The following HIP1 variants were observed in gnomAD, a reference collection of about 807,000 sequenced individuals.
HIP1 encodes huntingtin interacting protein 1.
In HIP1, 65 loss-of-function variants were observed where a neutral mutation model predicts 147.6. The ratio of observed to expected loss-of-function variants is 0.44; its 90% CI spans 0.36 to 0.54. HIP1 has a LOEUF of 0.54. Ranked by LOEUF, HIP1 falls within the 20% of genes least tolerant of loss-of-function variation. HIP1 has a pLI of 0.00. For missense variants in HIP1, 1,061 were observed against 1,299.6 expected, an observed-to-expected ratio of 0.82 and a Z score of 2.82; for synonymous variants, 479 against 504.0, an observed-to-expected ratio of 0.95 and a Z score of 0.67.
Position 75,599,259 on chromosome 7 carries a change from GA to G in HIP1, c.121-13del, listed in dbSNP as rs782603373. 3 of 1,603,074 alleles carry G rather than the reference GA, an allele frequency of 1.9e-6. No individual in the cohort carries two copies. In the South Asian group the frequency reaches 3.3e-5, roughly 18 times the overall value. On this transcript the variant is annotated splice_polypyrimidine_tract_variant and intron_variant, in intron 1 of 30. Transcript: ENST00000336926. ...TTGATGCTGACAGTCTGAAAAACAA[GA>G]AGGGGGGAGGGAAAGGAGGATGAGA... is the stretch of plus-strand genomic sequence containing the variant.
rs1795063138 is a variant in HIP1 at position 75,557,570 on chromosome 7, C to G, written c.1581+84G>C. 5 of 967,290 alleles carry G rather than the reference C, an allele frequency of 5.2e-6. No homozygotes were observed. The South Asian group carries it at 6.5e-5, about 12-fold the overall frequency. The allele number at this position is 967,290 out of a possible 1,614,324, so 59.9% of individuals were successfully genotyped here. Reference sequence around the variant, plus strand: ...GATGCCAACCGACCCACAGAACTGCCCATGGAGCAGAAGGCCACAAAGCCC... The same window carrying G: ...GATGCCAACCGACCCACAGAACTGCGCATGGAGCAGAAGGCCACAAAGCCC... On this transcript the variant is annotated intron_variant, in intron 16 of 30. Coordinates refer to ENST00000336926, the MANE Select transcript of HIP1 (RefSeq NM_005338.7).
At chr7:75,612,279 G>A (rs1056249117) in intron 1 of HIP1, among the ~76,000 whole-genome samples, 3 of 152,208 alleles carry the variant, frequency 2.0e-5, no homozygotes, top group African/African-American at 7.2e-5. Flanking sequence ...GGAGGCGGAG[G>A]TGGGCGGATC....
At chr7:75,697,494 ATTC>A (rs1224559664) in intron 1 of HIP1, among the ~76,000 whole-genome samples, 5 of 152,198 alleles carry the variant, frequency 3.3e-5, no homozygotes, top group South Asian at 2.1e-4. Flanking sequence ...TCCTGGATGT[ATTC>A]TTCTTCAAAA....
intron 1 of HIP1, among the ~76,000 whole-genome samples, chr7:75,711,732 C>A (rs891222191): frequency 3.9e-5 from 6 of 152,218 alleles, no homozygotes; most frequent in Non-Finnish European, 1.5e-5. Context: ...CCAGACCTCT[C>A]TCTGAGGTAT....
At position 75,664,127 on chromosome 7, in the gene HIP1, CACAT is replaced by C. The variant is rs1435705454; in HGVS notation, c.121-64884_121-64881del. Among the ~76,000 whole-genome samples the C allele has an allele frequency of 5.2e-5, 3 of 57,596 alleles. 1 individual carries two copies. Among genetic ancestry groups the C allele is most frequent in the Non-Finnish European group, 1.0e-4 (3 of 29,012 alleles). The allele number at this position is 57,596 out of a possible 152,430, so 37.8% of individuals were successfully genotyped here. A position where few individuals can be genotyped will look rare whatever the true frequency, so the allele number is the denominator to read the frequency against. ...ACATACATGTATGCATATATGCACA[CACAT>C]GTGTGTACATACATACATGTATGTG... On this transcript the variant is annotated intron_variant, in intron 1 of 30. Transcript: ENST00000336926.
In HIP1 at chr7:75,541,939, G is replaced by A. The variant is rs371815924; in HGVS notation, c.2932C>T (p.Arg978Cys). The stretch of plus-strand genomic sequence containing the variant: ...CTCACCTGAGAATCCATCTCTTGGC[G>A]TTTGATCTGTGTCAGCGTCATGCTT... ...FSSMTLTQIK[R>C]QEMDSQVRVL... Residue 978 changes from arginine to cysteine, a missense_variant, in exon 29 of 31, where the codon CGC (arginine) becomes TGC (cysteine). Arg to Cys is a radical substitution (Grantham distance 180, BLOSUM62 -3). This residue lies in a region of HIP1 where 810 missense variants were observed against 946.8 expected (regional missense o/e 0.86). Transcript: ENST00000336926. 2.1e-5 allele frequency: 34 copies of A among 1,613,538 alleles called. No individual in the cohort carries two copies. The highest frequency in any genetic ancestry group is 2.7e-5 in the Non-Finnish European group (32 of 1,179,566).
In HIP1 at chr7:75,738,822, G is replaced by T; in HGVS notation, c.99C>A (p.Arg33=). The T allele has an allele frequency of 6.3e-7, 1 of 1,599,498 alleles. No homozygotes were observed. The highest frequency in any genetic ancestry group is 1.1e-5 in the South Asian group (1 of 88,808). ...GVGAGLEAAE[R]ESFERTQTVS... is the part of the protein sequence containing the mutation. ...TCACCTGAGTCCGCTCGAAGCTCTC[G>T]CGCTCCGCCGCCTCCAGCCCAGCGC... The change falls in exon 1 of 31, where the codon CGC becomes CGA. Residue 33 remains arginine, a synonymous_variant. Coordinates refer to ENST00000336926, the MANE Select transcript of HIP1 (RefSeq NM_005338.7).
At chr7:75,555,974 G>A in intron 18 of HIP1, 52 bp downstream of exon 18, 5 of 1,602,500 alleles carry the variant, frequency 3.1e-6, no homozygotes, top group Non-Finnish European at 4.3e-6. Context: ...ATGCGCAGAG[G>A]CCCTCGGTGG....
intron 1 of HIP1, among the ~76,000 whole-genome samples, chr7:75,708,245 T>C (rs1433549743): frequency 6.6e-6 from 1 of 152,240 alleles, no homozygotes; most frequent in African/African-American, 2.4e-5. Context: ...ATGATCTGGA[T>C]ATTAATCCTT....
chr7:75,609,761 T>G (rs1376191182), intron 1 of HIP1, among the ~76,000 whole-genome samples: 1 of 151,942 alleles, frequency 6.6e-6, no homozygotes, highest in Non-Finnish European at 1.5e-5. Context: ...TTTCACCATA[T>G]TGGCCAGGAT....
At chr7:75,544,866 C>A (rs1363999071) in intron 26 of HIP1, 66 bp from the exon 27 acceptor site, 23 of 1,029,812 alleles carry the variant, frequency 2.2e-5, no homozygotes, top group Non-Finnish European at 3.3e-5. Flanking sequence ...CACAATCCCA[C>A]CTCCAGACCA....
chr7:75,558,931 AT>A (rs1342639894), intron 14 of HIP1, among the ~76,000 whole-genome samples: 1 of 152,124 alleles, frequency 6.6e-6, no homozygotes, highest in Non-Finnish European at 1.5e-5. Context: ...AGGCAGGACA[AT>A]CCCTTAAACC....
chr7:75,664,458 AT>A (rs1799486038), intron 1 of HIP1, among the ~76,000 whole-genome samples: 1 of 127,178 alleles, frequency 7.9e-6, no homozygotes, highest in Non-Finnish European at 1.7e-5. Context: ...ACACATACAT[AT>A]GTGTGTGTGT....
chr7:75,638,395 G>C (rs946132562), intron 1 of HIP1, among the ~76,000 whole-genome samples: 1 of 151,744 alleles, frequency 6.6e-6, no homozygotes, highest in East Asian at 1.9e-4. Flanking sequence ...GGTGGGGGTG[G>C]AGGGCTTCTC....
intron 1 of HIP1, among the ~76,000 whole-genome samples, chr7:75,644,387 C>T (rs1798739249): frequency 6.6e-6 from 1 of 152,098 alleles, no homozygotes; most frequent in East Asian, 1.9e-4. Flanking sequence ...CTCCGCCTCC[C>T]AGGTTCAAGC....
rs1563233447 is a variant in HIP1 at position 75,599,259 on chromosome 7, G to A, written c.121-12C>T. The A allele has an allele frequency of 1.2e-6, 2 of 1,603,076 alleles. No individual in the cohort carries two copies. The highest frequency in any genetic ancestry group is 1.7e-5 in the Admixed American group (1 of 59,998). On this transcript the variant is annotated splice_polypyrimidine_tract_variant and intron_variant, in intron 1 of 30. Coordinates refer to ENST00000336926, the MANE Select transcript of HIP1 (RefSeq NM_005338.7). ...TTGATGCTGACAGTCTGAAAAACAA[G>A]AAGGGGGGAGGGAAAGGAGGATGAG...
intron 1 of HIP1, among the ~76,000 whole-genome samples, chr7:75,663,330 G>A (rs992679456): frequency 1.3e-5 from 2 of 152,088 alleles, no homozygotes; most frequent in Admixed American, 1.3e-4. Flanking sequence ...CAGGAGGGGT[G>A]GCGTACACCT....
intron 1 of HIP1, among the ~76,000 whole-genome samples, chr7:75,651,200 C>T (rs530288811): frequency 5.9e-5 from 9 of 151,998 alleles, no homozygotes; most frequent in Non-Finnish European, 1.0e-4. Context: ...TGGCTCACAC[C>T]TGTAATCCCA....
chr7:75,619,402 T>C (rs1472368931), intron 1 of HIP1, among the ~76,000 whole-genome samples: 1 of 151,356 alleles, frequency 6.6e-6, no homozygotes, highest in Non-Finnish European at 1.5e-5. Context: ...GTGTGCCTGC[T>C]GTAATCCCAG....
Sources: allele counts gnomAD v4.1 joint callset (sites outside exome capture counted in the v4.1 genomes callset), GRCh38; gene constraint gnomAD v4.1.1; regional missense constraint gnomAD v4.1.1; transcripts MANE v1.5; gene names NCBI Gene and HGNC (gene_info 2026-07-23, HGNC 2026-07-21).